Variants in PAAF1 observed in about 807,000 individuals in gnomAD.
PAAF1 encodes proteasomal ATPase-associated factor 1.
A neutral mutation model predicts 52.8 loss-of-function variants in PAAF1; 46 were observed. That is an observed-to-expected ratio of 0.87 (90% CI 0.69 to 1.11). PAAF1 has a LOEUF of 1.11. PAAF1 is among the 50% of genes most tolerant of loss of function. The probability of loss-of-function intolerance (pLI) is 0.00; values close to 1 mark genes in which losing one functional copy is unlikely to be tolerated. For missense variants in PAAF1, 424 were observed against 477.4 expected, an observed-to-expected ratio of 0.89 and a Z score of 1.04; for synonymous variants, 178 against 172.8, an observed-to-expected ratio of 1.03 and a Z score of -0.24.
At position 73,916,561 on chromosome 11, in the gene PAAF1, G is replaced by T; in HGVS notation, c.836G>T (p.Gly279Val). 1 of 1,612,904 alleles carries T rather than the reference G, an allele frequency of 6.2e-7. No homozygotes were observed. The highest frequency in any genetic ancestry group is 1.1e-5 in the South Asian group (1 of 90,898). The change falls in exon 9 of 12, where the codon GGC (glycine) becomes GTC (valine). Residue 279 changes from glycine (G) to valine (V), a missense_variant. Transcript: ENST00000310571. ...TGTTCCCAGGTGTTCCTCTTTATTG[G>T]CTCAGACGCTTTCAACTGCTGTACT... Reference protein sequence around the residue: ...QSRQLVFLFIGSDAFNCCTFL... With the variant: ...QSRQLVFLFIVSDAFNCCTFL...
intron 11 of PAAF1, among the ~76,000 whole-genome samples, chr11:73,924,921 G>A (rs564812960): frequency 2.6e-5 from 4 of 152,100 alleles, no homozygotes; most frequent in Non-Finnish European, 5.9e-5. Flanking sequence ...GGGAGGCCGA[G>A]ACAGGTGGAT....
chr11:73,920,950 T>A (rs1950200294), intron 10 of PAAF1, among the ~76,000 whole-genome samples: 1 of 152,136 alleles, frequency 6.6e-6, no homozygotes, highest in African/African-American at 2.4e-5. Context: ...ATAGATCACC[T>A]GAGGCCTTGA....
chr11:73,918,183 G>A (rs1040698986), intron 9 of PAAF1, among the ~76,000 whole-genome samples: 3 of 152,104 alleles, frequency 2.0e-5, no homozygotes, highest in Non-Finnish European at 4.4e-5. Context: ...AGGAGTCTAT[G>A]ACAGGTATGT....
intron 7 of PAAF1, among the ~76,000 whole-genome samples, chr11:73,910,945 G>A (rs1223231471): frequency 7.0e-6 from 1 of 143,830 alleles, no homozygotes; most frequent in African/African-American, 2.6e-5. Context: ...AGCTGAGATC[G>A]CTCCATTGCA....
At chr11:73,921,862 C>G in intron 10 of PAAF1, 1 of 1,117,704 alleles carries the variant, frequency 8.9e-7, no homozygotes, top group Admixed American at 1.8e-5. Context: ...AAGTGGAAAA[C>G]CAGGTTCTCC....
chr11:73,921,624 G>A, intron 10 of PAAF1: 1 of 674,120 alleles, frequency 1.5e-6, no homozygotes, highest in South Asian at 1.4e-5. Flanking sequence ...TGCTGCCCAG[G>A]GCTCTGGAGA....
intron 2 of PAAF1, 39 bp from the exon 3 acceptor site, chr11:73,887,315 T>C: frequency 6.8e-7 from 1 of 1,472,322 alleles, no homozygotes; most frequent in Non-Finnish European, 9.3e-7. Context: ...TAATAAATTT[T>C]TCTTATTTTT....
intron 4 of PAAF1, among the ~76,000 whole-genome samples, chr11:73,893,438 TA>T (rs1949250847): frequency 6.6e-6 from 1 of 152,022 alleles, no homozygotes; most frequent in Admixed American, 6.6e-5. Context: ...GGAAAGCAGT[TA>T]TTTATTTGAA....
At chr11:73,889,046 A>G in intron 3 of PAAF1, 1 of 648,446 alleles carries the variant, frequency 1.5e-6, no homozygotes, top group Non-Finnish European at 2.7e-6. Flanking sequence ...TCAAAGACAG[A>G]CTGTATGCTG....
At chr11:73,908,506 G>A (rs1949839710) in intron 6 of PAAF1, among the ~76,000 whole-genome samples, 2 of 151,478 alleles carry the variant, frequency 1.3e-5, no homozygotes, top group South Asian at 4.2e-4. Context: ...CAGGGCTCAA[G>A]CAATCCTCCC....
At chr11:73,879,958 G>A (rs1948847113) in intron 2 of PAAF1, 1 of 151,912 alleles carries the variant, frequency 6.6e-6, no homozygotes, top group South Asian at 2.1e-4. Flanking sequence ...TTAAAAATAA[G>A]GCCAGACGTG....
chr11:73,899,354 C>T, intron 5 of PAAF1, 110 bp downstream of exon 5: 5 of 629,274 alleles, frequency 7.9e-6, no homozygotes, highest in South Asian at 2.0e-5. Context: ...TGGGACCACT[C>T]TGCATGTCAG....
intron 4 of PAAF1, among the ~76,000 whole-genome samples, chr11:73,893,773 C>T (rs972814900): frequency 1.5e-5 from 2 of 130,228 alleles, no homozygotes; most frequent in African/African-American, 5.6e-5. Context: ...AAAGAAAAAA[C>T]TAAACGTGGG....
chr11:73,907,330 C>T (rs1294692016), intron 6 of PAAF1, among the ~76,000 whole-genome samples: 1 of 152,158 alleles, frequency 6.6e-6, no homozygotes, highest in African/African-American at 2.4e-5. Flanking sequence ...CAGCCACCTA[C>T]TGGACTCCCC....
chr11:73,917,597 C>T (rs1229907977), intron 9 of PAAF1, among the ~76,000 whole-genome samples: 3 of 152,128 alleles, frequency 2.0e-5, no homozygotes, highest in East Asian at 1.9e-4. Flanking sequence ...CTGGGCTGGG[C>T]GTGGTGGCTC....
chr11:73,918,821 A>G (rs1265023352), intron 9 of PAAF1, 129 bp from the exon 10 acceptor site: 1 of 710,602 alleles, frequency 1.4e-6, no homozygotes, highest in East Asian at 2.9e-5. Context: ...GAAAGAAACC[A>G]TAGAAATGTT....
At chr11:73,914,726 T>C (rs1591116268) in intron 8 of PAAF1, among the ~76,000 whole-genome samples, 1 of 139,374 alleles carries the variant, frequency 7.2e-6, no homozygotes, top group African/African-American at 2.8e-5. Context: ...GGAGACAGAG[T>C]CTCACTCTGT....
intron 4 of PAAF1, among the ~76,000 whole-genome samples, chr11:73,893,462 C>T (rs972051310): frequency 5.3e-5 from 8 of 151,982 alleles, no homozygotes; most frequent in East Asian, 1.9e-4. Context: ...CTAGGCTGGG[C>T]GCAGTGGCTC....
chr11:73,897,553 C>G lies in PAAF1; in HGVS notation c.283-1593C>G, dbSNP rs560208512. ...CCCCACATCTCAGACGATGGGCGGCCGGGCAGAGACGCTCCTCACTTCCCA... is the reference window on the plus strand; with the variant it reads ...CCCCACATCTCAGACGATGGGCGGCGGGGCAGAGACGCTCCTCACTTCCCA... On this transcript the variant is annotated intron_variant, in intron 4 of 11. Transcript: ENST00000310571. 3.8e-4 allele frequency among the ~76,000 whole-genome samples: 58 copies of G among 151,342 alleles called. No homozygotes were observed. In the East Asian group the frequency reaches 8.4e-3, roughly 22 times the overall value.
Sources: gnomAD v4.1 joint callset for allele counts (sites outside exome capture counted in the v4.1 genomes callset) on GRCh38, gnomAD v4.1.1 for gene constraint, MANE v1.5 for transcripts, NCBI Gene and HGNC (gene_info 2026-07-23, HGNC 2026-07-21) for gene names.